The following PRUNE2 variants were observed in gnomAD, a reference collection of about 807,000 sequenced individuals.
PRUNE2 encodes protein prune homolog 2.
Under a neutral mutation model 252.0 loss-of-function variants are expected in PRUNE2, and 164 were observed. The ratio of observed to expected loss-of-function variants is 0.65; its 90% CI spans 0.57 to 0.74. PRUNE2 has a LOEUF of 0.74. PRUNE2 is among the 30% of genes least tolerant of loss of function. The pLI is 0.00. For missense variants in PRUNE2, 3,495 were observed against 3,711.0 expected (o/e 0.94, Z 1.51); for synonymous variants, 1,292 against 1,350.2 (o/e 0.96, Z 0.94).
At chr9:76,885,040 CTG>C (rs1468206097) in intron 1 of PRUNE2, among the ~76,000 whole-genome samples, 5 of 152,232 alleles carry the variant, frequency 3.3e-5, no homozygotes, top group Non-Finnish European at 5.9e-5. Flanking sequence ...AGCGGCCAAT[CTG>C]TGTGTGCCAC....
chr9:76,709,448 T>C lies in PRUNE2; in HGVS notation c.2826A>G (p.Leu942=), dbSNP rs1481127621. 1 of 1,614,006 alleles carries C rather than the reference T, an allele frequency of 6.2e-7. No individual in the cohort carries two copies. The highest frequency in any genetic ancestry group is 2.2e-5 in the East Asian group (1 of 44,888). ...CACTGTAATCAGAACATTTGTAAGATAAGAAGGAATCTTCCCAAGGAACTA... is the reference window on the plus strand; with the variant it reads ...CACTGTAATCAGAACATTTGTAAGACAAGAAGGAATCTTCCCAAGGAACTA... The part of the protein sequence containing the change: ...DVLVPWEDSF[L]SYKCSDYSAS... Residue 942 remains leucine, a synonymous_variant, in exon 8 of 19, where the codon TTA becomes TTG. Coordinates refer to ENST00000376718, the MANE Select transcript of PRUNE2 (RefSeq NM_015225.3).
chr9:76,699,071 C>T (rs896816305), intron 9 of PRUNE2, among the ~76,000 whole-genome samples: 3 of 142,572 alleles, frequency 2.1e-5, no homozygotes, highest in African/African-American at 7.6e-5. Context: ...CCCATGGCTG[C>T]CTGTATCTCC....
At chr9:76,721,247 T>C (rs1276843889) in intron 6 of PRUNE2, among the ~76,000 whole-genome samples, 1 of 152,232 alleles carries the variant, frequency 6.6e-6, no homozygotes, top group African/African-American at 2.4e-5. Context: ...AAAAAATGTA[T>C]AGTGATTTTT....
At position 76,638,217 on chromosome 9, in the gene PRUNE2, C is replaced by T. The variant is rs1449066378; in HGVS notation, c.8800G>A (p.Asp2934Asn). Reference protein sequence around the residue: ...ACFLPDSSRADYHYVMENLFL... With the variant: ...ACFLPDSSRANYHYVMENLFL... ...AGATTTTCCATGACATAGTGGTAAT[C>T]CGCCCGACTGCTGTCTGGCAGAAAA... The change falls in exon 13 of 19, where the codon GAT (aspartate) becomes AAT (asparagine). Residue 2934 changes from aspartate (D) to asparagine (N), a missense_variant. Transcript: ENST00000376718. 1.2e-6 allele frequency: 2 copies of T among 1,613,726 alleles called. No individual in the cohort carries two copies. Among genetic ancestry groups the T allele is most frequent in the Non-Finnish European group, 1.7e-6 (2 of 1,179,686 alleles).
At position 76,762,724 on chromosome 9, in the gene PRUNE2, T is replaced by A. The variant is rs144271014; in HGVS notation, c.757-49003A>T. Among the ~76,000 whole-genome samples, 20 of 152,264 alleles carry A rather than the reference T, an allele frequency of 1.3e-4. No homozygotes were observed. In the East Asian group the frequency reaches 3.9e-3, roughly 29 times the overall value. On this transcript the variant is annotated intron_variant, in intron 6 of 18. Transcript: ENST00000376718. The stretch of plus-strand genomic sequence containing the variant: ...GGAGGTCCCTACATACACGACCACA[T>A]GAGATTGAGCTCCAGAGTCAGGCCC...
chr9:76,855,064 CAAA>C (rs772890225), intron 1 of PRUNE2, among the ~76,000 whole-genome samples: 1 of 78,176 alleles, frequency 1.3e-5, no homozygotes, highest in Admixed American at 1.5e-4. Context: ...GACTCCATCT[CAAA>C]AAAAAAAAAA....
At chr9:76,676,077 C>CAAAAAACAAA (rs1554684811) in intron 9 of PRUNE2, among the ~76,000 whole-genome samples, 21 of 148,084 alleles carry the variant, frequency 1.4e-4, no homozygotes, top group East Asian at 4.0e-4. Context: ...AAAAAAAAAC[C>CAAAAAACAAA]AAAAACAAAA....
chr9:76,804,251 G>A (rs1385851001), intron 6 of PRUNE2, among the ~76,000 whole-genome samples: 3 of 152,174 alleles, frequency 2.0e-5, no homozygotes, highest in Non-Finnish European at 4.4e-5. Context: ...ACTGCACGGG[G>A]CACACGGGCC....
At chr9:76,819,809 T>C (rs1202250207) in intron 6 of PRUNE2, among the ~76,000 whole-genome samples, 1 of 152,204 alleles carries the variant, frequency 6.6e-6, no homozygotes, top group Non-Finnish European at 1.5e-5. Flanking sequence ...CTTGCTTCAG[T>C]GGCACTTCAT....
At chr9:76,870,164 T>C (rs1194126359) in intron 1 of PRUNE2, among the ~76,000 whole-genome samples, 1 of 152,096 alleles carries the variant, frequency 6.6e-6, no homozygotes, top group African/African-American at 2.4e-5. Flanking sequence ...ACCTTAACAA[T>C]ACATAATAAA....
In PRUNE2 at chr9:76,655,506, CA is replaced by C; in HGVS notation, c.8277-5del. 4.3e-6 allele frequency: 7 copies of C among 1,609,598 alleles called. No individual in the cohort carries two copies. Among genetic ancestry groups the C allele is most frequent in the South Asian group, 1.1e-5 (1 of 90,340 alleles). On this transcript the variant is annotated splice_polypyrimidine_tract_variant and splice_region_variant and intron_variant, in intron 9 of 18. Transcript: ENST00000376718. The stretch of plus-strand genomic sequence containing the variant: ...TCCTACATCCTCTGACAGTAGTCTG[CA>C]AAAAAAGCAAAGCAAAGCGCGTCAA...
At position 76,807,056 on chromosome 9, in the gene PRUNE2, G is replaced by A. The variant is rs532336041; in HGVS notation, c.756+16576C>T. On this transcript the variant is annotated intron_variant, in intron 6 of 18. Transcript: ENST00000376718. The stretch of plus-strand genomic sequence containing the variant: ...TGTGTGTGTGTGTGTGTGTGTGCGC[G>A]CGCGCGTGTGTCTGTCTCTCTCTCT... Among the ~76,000 whole-genome samples the A allele has an allele frequency of 6.4e-3, 972 of 151,162 alleles. 11 individuals carry two copies. The highest frequency in any genetic ancestry group is 0.021 in the African/African-American group (859 of 41,214).
intron 6 of PRUNE2, chr9:76,782,649 T>C (rs2054542872): frequency 6.6e-6 from 1 of 152,214 alleles, no homozygotes; most frequent in Non-Finnish European, 1.5e-5. Context: ...TCTTGGATAA[T>C]ACTGTTCTAT....
intron 9 of PRUNE2, among the ~76,000 whole-genome samples, chr9:76,694,625 G>A (rs1337564671): frequency 6.6e-6 from 1 of 152,198 alleles, no homozygotes; most frequent in African/African-American, 2.4e-5. Context: ...GTGGGACATA[G>A]GTTATCACCA....
chr9:76,900,114 G>C (rs1325264138), intron 1 of PRUNE2, among the ~76,000 whole-genome samples: 3 of 152,178 alleles, frequency 2.0e-5, no homozygotes, highest in Non-Finnish European at 4.4e-5. Context: ...TTTTCAGCTG[G>C]AGAAACTGGA....
chr9:76,628,832 C>A (rs1335680337), intron 16 of PRUNE2, among the ~76,000 whole-genome samples: 1 of 151,046 alleles, frequency 6.6e-6, no homozygotes, highest in East Asian at 1.9e-4. Flanking sequence ...CTTTTCCAAC[C>A]CACTTCTCCA....
chr9:76,711,406 C>CCTG, intron 7 of PRUNE2, 48 bp from the exon 8 acceptor site: 1 of 1,277,702 alleles, frequency 7.8e-7, no homozygotes, highest in South Asian at 1.4e-5. Flanking sequence ...CACTGTTGCA[C>CCTG]TTTGCAATTG....
intron 4 of PRUNE2, among the ~76,000 whole-genome samples, chr9:76,837,810 C>T (rs376255617): frequency 1.5e-3 from 224 of 146,980 alleles, no homozygotes; most frequent in South Asian, 3.5e-3. Flanking sequence ...CTTGCTCTGT[C>T]GCCCAGGCTG....
chr9:76,876,311 T>C (rs181268953), intron 1 of PRUNE2, among the ~76,000 whole-genome samples: 1 of 152,284 alleles, frequency 6.6e-6, no homozygotes, highest in African/African-American at 2.4e-5. Context: ...CTTGGAACAC[T>C]TCCTGTTTTT....
Sources: allele counts gnomAD v4.1 joint callset (sites outside exome capture counted in the v4.1 genomes callset), GRCh38; gene constraint gnomAD v4.1.1; transcripts MANE v1.5; gene names NCBI Gene and HGNC (gene_info 2026-07-23, HGNC 2026-07-21).